PTPRD: variants seen among roughly 807,000 people sequenced by gnomAD.
PTPRD encodes protein tyrosine phosphatase receptor type D.
In PTPRD, 34 loss-of-function variants were observed where a neutral mutation model predicts 214.5. The observed-to-expected ratio is 0.16, with a 90% CI of 0.12 to 0.21. The LOEUF (loss-of-function observed/expected upper bound fraction) is 0.21. PTPRD is among the 10% of genes least tolerant of loss of function. PTPRD has a pLI of 1.00. For missense variants in PTPRD, 2,545 were observed against 2,398.7 expected, an observed-to-expected ratio of 1.06 and a Z score of -1.27; for synonymous variants, 1,128 against 845.7, an observed-to-expected ratio of 1.33 and a Z score of -5.79.
intron 11 of PTPRD, among the ~76,000 whole-genome samples, chr9:8,914,948 T>A (rs1360561779): frequency 6.6e-6 from 1 of 152,092 alleles, no homozygotes; most frequent in African/African-American, 2.4e-5. Flanking sequence ...ACCAGATATG[T>A]GATGAAAGCA....
At chr9:9,836,133 G>C (rs966733231) in intron 5 of PTPRD, among the ~76,000 whole-genome samples, 2 of 152,122 alleles carry the variant, frequency 1.3e-5, no homozygotes, top group African/African-American at 4.8e-5. Flanking sequence ...TTGGACAAAT[G>C]TTTAAGGAAA....
chr9:10,600,408 A>G (rs1409491128), intron 2 of PTPRD, among the ~76,000 whole-genome samples: 37 of 151,748 alleles, frequency 2.4e-4, no homozygotes, highest in Admixed American at 2.4e-3. Context: ...AAGTACACCC[A>G]ATTTCTTAAG....
In PTPRD at chr9:10,047,068, A is replaced by G. The variant is rs544728925; in HGVS notation, c.-544-13278T>C. Among the ~76,000 whole-genome samples the G allele has an allele frequency of 5.9e-5, 9 of 152,080 alleles. No individual in the cohort carries two copies. The South Asian group carries it at 1.9e-3, about 32-fold the overall frequency. On this transcript the variant is annotated intron_variant, in intron 3 of 45. Coordinates refer to ENST00000381196, the MANE Select transcript of PTPRD (RefSeq NM_002839.4). ...AACATCTTTTTCTATCTTGTATGAC[A>G]AAGAATGATTTTTAAGAGTCAGCTC...
At chr9:10,054,863 A>C (rs190716602) in intron 3 of PTPRD, among the ~76,000 whole-genome samples, 1 of 152,114 alleles carries the variant, frequency 6.6e-6, no homozygotes, top group South Asian at 2.1e-4. Context: ...CTCAAAATCC[A>C]TATGTTGAAG....
At chr9:9,842,040 A>T (rs1483323517) in intron 5 of PTPRD, among the ~76,000 whole-genome samples, 2 of 151,984 alleles carry the variant, frequency 1.3e-5, no homozygotes, top group Non-Finnish European at 2.9e-5. Flanking sequence ...ATTGGGAAAA[A>T]TTGCTTATTT....
At chr9:9,427,705 G>T (rs915279286) in intron 8 of PTPRD, among the ~76,000 whole-genome samples, 1 of 152,218 alleles carries the variant, frequency 6.6e-6, no homozygotes, top group African/African-American at 2.4e-5. Context: ...CAGACTAACA[G>T]CTGATCTCTC....
At chr9:10,540,941 G>C (rs2058970004) in intron 2 of PTPRD, among the ~76,000 whole-genome samples, 1 of 152,174 alleles carries the variant, frequency 6.6e-6, no homozygotes, top group African/African-American at 2.4e-5. Flanking sequence ...TGCACTGGCA[G>C]GGGTGTATGG....
chr9:9,398,644 T>C (rs908290884), intron 8 of PTPRD, among the ~76,000 whole-genome samples: 3 of 152,062 alleles, frequency 2.0e-5, no homozygotes, highest in African/African-American at 7.2e-5. Context: ...CCTTTATTGA[T>C]AAATGATTTT....
At chr9:10,527,289 C>T (rs958774648) in intron 2 of PTPRD, among the ~76,000 whole-genome samples, 4 of 152,062 alleles carry the variant, frequency 2.6e-5, no homozygotes, top group East Asian at 3.9e-4. Context: ...AGTTTACCAC[C>T]GATGCAGTAA....
At chr9:9,260,444 T>C (rs913712234) in intron 9 of PTPRD, among the ~76,000 whole-genome samples, 1 of 151,916 alleles carries the variant, frequency 6.6e-6, no homozygotes, top group South Asian at 2.1e-4. Flanking sequence ...GGAAAAATAG[T>C]TTAAGACAGT....
At chr9:9,154,313 G>A (rs2099879369) in intron 10 of PTPRD, among the ~76,000 whole-genome samples, 1 of 152,130 alleles carries the variant, frequency 6.6e-6, no homozygotes, top group Admixed American at 6.6e-5. Flanking sequence ...CCACGGAGTT[G>A]GTGGCTTAAA....
intron 2 of PTPRD, among the ~76,000 whole-genome samples, chr9:10,493,062 A>G (rs2040870173): frequency 6.6e-6 from 1 of 152,182 alleles, no homozygotes; most frequent in African/African-American, 2.4e-5. Flanking sequence ...GACCTGTTCA[A>G]GGAGAACTTC....
intron 3 of PTPRD, among the ~76,000 whole-genome samples, chr9:10,204,571 C>T (rs1030085398): frequency 6.6e-6 from 1 of 151,922 alleles, no homozygotes; most frequent in African/African-American, 2.4e-5. Flanking sequence ...AAGAACATAT[C>T]ATTTGTTCTG....
intron 3 of PTPRD, among the ~76,000 whole-genome samples, chr9:10,246,188 G>C (rs80284738): frequency 0.012 from 1,883 of 152,072 alleles, 31 homozygotes; most frequent in African/African-American, 0.043. Flanking sequence ...AGTTTTTAAA[G>C]TATGAGTCTC....
intron 9 of PTPRD, among the ~76,000 whole-genome samples, chr9:9,232,907 C>A (rs1308179910): frequency 6.6e-6 from 1 of 152,082 alleles, no homozygotes; most frequent in Non-Finnish European, 1.5e-5. Flanking sequence ...CCCTTTTCCA[C>A]AAATCCAGCT....
intron 5 of PTPRD, among the ~76,000 whole-genome samples, chr9:9,808,370 G>C (rs1208660529): frequency 6.6e-6 from 1 of 152,052 alleles, no homozygotes; most frequent in African/African-American, 2.4e-5. Flanking sequence ...TTCCTTATCT[G>C]ACCAGGAAAC....
chr9:8,507,507 C>T, intron 21 of PTPRD, 73 bp from the exon 22 acceptor site: 1 of 1,571,550 alleles, frequency 6.4e-7, no homozygotes. Context: ...ATTAGCGTAA[C>T]CTGCTTAAAC....
intron 3 of PTPRD, among the ~76,000 whole-genome samples, chr9:10,297,465 C>T (rs2095713751): frequency 6.6e-6 from 1 of 151,856 alleles, no homozygotes; most frequent in African/African-American, 2.4e-5. Context: ...TCTGTTTGGC[C>T]TGGGTTTTTC....
chr9:9,586,746 C>T (rs2092038972), intron 7 of PTPRD, among the ~76,000 whole-genome samples: 1 of 151,814 alleles, frequency 6.6e-6, no homozygotes, highest in African/African-American at 2.4e-5. Flanking sequence ...TGTGTACAGA[C>T]CTAGGCCACT....
Sources: gnomAD v4.1 joint callset for allele counts (sites outside exome capture counted in the v4.1 genomes callset) on GRCh38, gnomAD v4.1.1 for gene constraint, MANE v1.5 for transcripts, NCBI Gene and HGNC (gene_info 2026-07-23, HGNC 2026-07-21) for gene names.